SLC24A2: variants seen among roughly 807,000 people sequenced by gnomAD.
SLC24A2 encodes the protein sodium/potassium/calcium exchanger 2.
SLC24A2 carries 36 observed loss-of-function variants against 62.0 expected under a neutral mutation model. The observed-to-expected ratio is 0.58, with a 90% CI of 0.44 to 0.77. The LOEUF is 0.77. Among genes scored for constraint, SLC24A2 ranks in the 30% least tolerant of loss-of-function variants. The pLI is 0.00. For missense variants in SLC24A2, 846 were observed against 817.9 expected, an observed-to-expected ratio of 1.03 and a Z score of -0.42; for synonymous variants, 358 against 294.0, an observed-to-expected ratio of 1.22 and a Z score of -2.23.
chr9:19,978,210 T>G, the SLC24A2 span, among the ~76,000 whole-genome samples: 2 of 152,216 alleles, frequency 1.3e-5, no homozygotes, highest in Admixed American at 6.5e-5. Context: ...ACCATATAAC[T>G]GTTTGTAATA....
At chr9:19,814,554 C>T in the SLC24A2 span, among the ~76,000 whole-genome samples, 4 of 152,118 alleles carry the variant, frequency 2.6e-5, no homozygotes, top group African/African-American at 9.7e-5. Context: ...TGTGCTAATC[C>T]TCAGAAATGA....
At chr9:20,077,620 G>A in the SLC24A2 span, among the ~76,000 whole-genome samples, 1 of 144,672 alleles carries the variant, frequency 6.9e-6, no homozygotes, top group Non-Finnish European at 1.6e-5. Context: ...GAGAAACTCA[G>A]AAGTGCCTCT....
chr9:19,923,383 T>A, the SLC24A2 span, among the ~76,000 whole-genome samples: 9 of 152,214 alleles, frequency 5.9e-5, no homozygotes, highest in Non-Finnish European at 1.0e-4. Flanking sequence ...ATAATACTTT[T>A]AAAATATACA....
the SLC24A2 span, among the ~76,000 whole-genome samples, chr9:20,204,451 T>A: frequency 1.3e-5 from 2 of 152,220 alleles, no homozygotes; most frequent in African/African-American, 4.8e-5. Flanking sequence ...AAGAAGATTA[T>A]TTTTTATGTG....
the SLC24A2 span, among the ~76,000 whole-genome samples, chr9:20,105,801 A>G: frequency 6.6e-6 from 1 of 152,150 alleles, no homozygotes; most frequent in Non-Finnish European, 1.5e-5. Flanking sequence ...AAAAAGCAAG[A>G]GCAAACACAT....
At chr9:20,276,329 A>G in the SLC24A2 span, among the ~76,000 whole-genome samples, 1 of 152,234 alleles carries the variant, frequency 6.6e-6, no homozygotes, top group Admixed American at 6.5e-5. Flanking sequence ...ATGCAAGTCC[A>G]AAATCCAGCT....
chr9:19,919,508 A>G, the SLC24A2 span, among the ~76,000 whole-genome samples: 1 of 152,196 alleles, frequency 6.6e-6, no homozygotes, highest in Non-Finnish European at 1.5e-5. Context: ...ATACCAACAT[A>G]TACTTAGGAC....
the SLC24A2 span, among the ~76,000 whole-genome samples, chr9:20,296,076 G>T: frequency 6.6e-6 from 1 of 152,114 alleles, no homozygotes; most frequent in Non-Finnish European, 1.5e-5. Context: ...CTACTTAATG[G>T]TGAAAGATAA....
At chr9:19,695,567 AC>A (rs1820164726) in intron 2 of SLC24A2, among the ~76,000 whole-genome samples, 1 of 151,784 alleles carries the variant, frequency 6.6e-6, no homozygotes, top group Non-Finnish European at 1.5e-5. Flanking sequence ...TTGAAGCTAA[AC>A]CCACGTGAAA....
the SLC24A2 span, among the ~76,000 whole-genome samples, chr9:20,023,114 C>A: frequency 1.7e-4 from 26 of 152,258 alleles, no homozygotes; most frequent in African/African-American, 6.3e-4. Context: ...TCCACTCAGT[C>A]ATAAAAAGCC....
chr9:20,233,470 C>A, the SLC24A2 span, among the ~76,000 whole-genome samples: 131 of 152,268 alleles, frequency 8.6e-4, 1 homozygote, highest in Non-Finnish European at 1.4e-3. Context: ...GATCCCTTTA[C>A]CATTATGTAA....
chr9:20,007,879 CTTTTTTTTTTTTTTTTT>C, the SLC24A2 span, among the ~76,000 whole-genome samples: 272 of 39,546 alleles, frequency 6.9e-3, 2 homozygotes, highest in Middle Eastern at 0.014. Flanking sequence ...TTACTCCTCT[CTTTTTTTTTTTTTTTTT>C]TTTTTTTTTT....
chr9:19,889,600 G>A, the SLC24A2 span, among the ~76,000 whole-genome samples: 29 of 152,040 alleles, frequency 1.9e-4, no homozygotes, highest in East Asian at 9.7e-4. Context: ...ATTTTTCCTC[G>A]TTCCTCCTTC....
the SLC24A2 span, among the ~76,000 whole-genome samples, chr9:19,916,895 T>C: frequency 6.6e-6 from 1 of 151,760 alleles, no homozygotes; most frequent in Admixed American, 6.6e-5. Context: ...TTTAAGAATC[T>C]TGATTTTTAT....
the SLC24A2 span, among the ~76,000 whole-genome samples, chr9:19,885,969 G>T: frequency 6.6e-6 from 1 of 152,128 alleles, no homozygotes; most frequent in South Asian, 2.1e-4. Flanking sequence ...TGGTGTATTT[G>T]TACCACATTC....
At chr9:20,083,066 C>A in the SLC24A2 span, among the ~76,000 whole-genome samples, 1 of 152,200 alleles carries the variant, frequency 6.6e-6, no homozygotes, top group Non-Finnish European at 1.5e-5. Context: ...TTAAGCATAT[C>A]TCCTTGTATG....
the SLC24A2 span, among the ~76,000 whole-genome samples, chr9:20,188,171 A>G: frequency 6.6e-6 from 1 of 152,222 alleles, no homozygotes; most frequent in Non-Finnish European, 1.5e-5. Flanking sequence ...AACAGTGTCC[A>G]TGCGACAAGG....
chr9:19,937,736 C>T, the SLC24A2 span, among the ~76,000 whole-genome samples: 46 of 152,250 alleles, frequency 3.0e-4, no homozygotes, highest in Middle Eastern at 3.4e-3. Context: ...CTATTATGAA[C>T]ACAACTATAT....
At chr9:20,055,086 G>C in the SLC24A2 span, among the ~76,000 whole-genome samples, 2 of 152,154 alleles carry the variant, frequency 1.3e-5, no homozygotes, top group Admixed American at 1.3e-4. Context: ...TTGAGGGGCA[G>C]GAATGTATAG....
Sources: allele counts gnomAD v4.1 joint callset (sites outside exome capture counted in the v4.1 genomes callset), GRCh38; gene constraint gnomAD v4.1.1; transcripts MANE v1.5; gene names NCBI Gene and HGNC (gene_info 2026-07-23, HGNC 2026-07-21).